The following CSMD1 variants were observed in gnomAD, a reference collection of about 807,000 sequenced individuals.
The protein encoded by CSMD1 is CUB and sushi domain-containing protein 1.
CSMD1 carries 213 observed loss-of-function variants against 417.5 expected under a neutral mutation model. That is an observed-to-expected ratio of 0.51 (90% CI 0.46 to 0.57). CSMD1 has a LOEUF of 0.57. CSMD1 is among the 20% of genes least tolerant of loss of function. The pLI is 0.00. For synonymous variants in CSMD1, 2,862 were observed against 1,736.8 expected (o/e 1.65, Z -16.11); for missense variants, 6,923 against 4,529.7 (o/e 1.53, Z -15.17).
At chr8:4,094,646 T>G (rs973768674) in intron 3 of CSMD1, among the ~76,000 whole-genome samples, 1 of 152,088 alleles carries the variant, frequency 6.6e-6, no homozygotes, top group Non-Finnish European at 1.5e-5. Context: ...GACACACATG[T>G]GGAAGTAGCG....
chr8:3,773,715 A>G (rs1798743732), intron 5 of CSMD1, among the ~76,000 whole-genome samples: 1 of 152,156 alleles, frequency 6.6e-6, no homozygotes, highest in African/African-American at 2.4e-5. Context: ...CCACCTTCAA[A>G]TTGATGATGA....
At chr8:3,327,061 G>A (rs1446461235) in intron 23 of CSMD1, among the ~76,000 whole-genome samples, 1 of 151,468 alleles carries the variant, frequency 6.6e-6, no homozygotes, top group African/African-American at 2.4e-5. Context: ...TGGAAAGGTT[G>A]GCAAGGATTC....
intron 3 of CSMD1, among the ~76,000 whole-genome samples, chr8:4,087,335 G>A (rs573883733): frequency 1.5e-4 from 23 of 152,140 alleles, no homozygotes; most frequent in Non-Finnish European, 2.8e-4. Context: ...ACACTCCCCA[G>A]GGAACCACTT....
intron 5 of CSMD1, among the ~76,000 whole-genome samples, chr8:3,863,687 C>T (rs943810327): frequency 6.6e-6 from 1 of 152,114 alleles, no homozygotes; most frequent in Non-Finnish European, 1.5e-5. Flanking sequence ...CATATATGCT[C>T]AGTGAACAAA....
At position 3,235,916 on chromosome 8, in the gene CSMD1, G is replaced by GTTTTTTTTTTTTTTTTT. The variant is rs11414439; in HGVS notation, c.4154-5702_4154-5686dup. Among the ~76,000 whole-genome samples the GTTTTTTTTTTTTTTTTT allele has an allele frequency of 1.1e-4, 13 of 119,344 alleles. 1 individual carries two copies. The highest frequency in any genetic ancestry group is 2.5e-4 in the African/African-American group (8 of 31,714). 78.3% of individuals were successfully genotyped at this position (119,344 alleles called of 152,430 possible). On this transcript the variant is annotated intron_variant, in intron 26 of 69. Transcript: ENST00000635120. ...TTATGCCAGTTATATGAAGATGTAAGTTTTTTTTTTTTTTTTTTTGAGACA... is the reference window on the plus strand; with the variant it reads ...TTATGCCAGTTATATGAAGATGTAAGTTTTTTTTTTTTTTTTTTTTTTTTTTTTTTTTTTTTGAGACA...
intron 3 of CSMD1, among the ~76,000 whole-genome samples, chr8:4,386,386 A>C (rs903173889): frequency 1.3e-4 from 20 of 151,638 alleles, no homozygotes; most frequent in African/African-American, 4.8e-4. Flanking sequence ...ACATTCTCCT[A>C]AGTTCCATCC....
At chr8:3,215,420 C>T (rs990380595) in intron 29 of CSMD1, among the ~76,000 whole-genome samples, 3 of 152,178 alleles carry the variant, frequency 2.0e-5, no homozygotes, top group Non-Finnish European at 2.9e-5. Context: ...ATGTACCAGA[C>T]ATGGAACTAG....
intron 5 of CSMD1, among the ~76,000 whole-genome samples, chr8:3,823,212 T>G (rs911946471): frequency 6.6e-6 from 1 of 152,140 alleles, no homozygotes; most frequent in Non-Finnish European, 1.5e-5. Context: ...TATTGGTGGG[T>G]TATTAGTTTA....
chr8:3,175,609 C>A (rs959147132), intron 37 of CSMD1, among the ~76,000 whole-genome samples: 1 of 141,596 alleles, frequency 7.1e-6, no homozygotes, highest in Non-Finnish European at 1.5e-5. Context: ...TCCCTCCCTT[C>A]CTGAGGTTGC....
intron 12 of CSMD1, among the ~76,000 whole-genome samples, chr8:3,437,548 T>C (rs988513683): frequency 6.6e-6 from 1 of 152,168 alleles, no homozygotes; most frequent in Non-Finnish European, 1.5e-5. Flanking sequence ...GGCCAACGTA[T>C]CCAGGGAAAA....
intron 1 of CSMD1, among the ~76,000 whole-genome samples, chr8:4,938,591 C>T (rs925278108): frequency 7.2e-5 from 11 of 152,172 alleles, no homozygotes; most frequent in Admixed American, 2.0e-4. Context: ...ATCGGGAAAA[C>T]GCATACTTGC....
chr8:3,503,930 G>C (rs968201838), intron 10 of CSMD1, among the ~76,000 whole-genome samples: 3 of 151,530 alleles, frequency 2.0e-5, no homozygotes, highest in Admixed American at 6.6e-5. Context: ...ACATGAGTGA[G>C]AATATGGAGG....
chr8:4,925,205 C>T (rs1436137069), intron 1 of CSMD1, among the ~76,000 whole-genome samples: 1 of 118,832 alleles, frequency 8.4e-6, no homozygotes, highest in African/African-American at 3.1e-5. Context: ...TGGTGAATAC[C>T]AGTTTTATGG....
intron 1 of CSMD1, among the ~76,000 whole-genome samples, chr8:4,953,819 C>T (rs982059140): frequency 4.6e-5 from 7 of 152,112 alleles, no homozygotes; most frequent in African/African-American, 1.7e-4. Context: ...GAACTATCTG[C>T]CACAGGAAGA....
chr8:4,234,184 T>G (rs1187455483), intron 3 of CSMD1, among the ~76,000 whole-genome samples: 1 of 152,276 alleles, frequency 6.6e-6, no homozygotes, highest in East Asian at 1.9e-4. Context: ...ACTCTTGACT[T>G]AGACCAAGAA....
At chr8:3,472,322 T>A (rs1366698504) in intron 11 of CSMD1, among the ~76,000 whole-genome samples, 2 of 152,148 alleles carry the variant, frequency 1.3e-5, no homozygotes, top group African/African-American at 4.8e-5. Flanking sequence ...ATCTTTTAAC[T>A]ATTGTAAGTG....
chr8:4,011,657 C>A (rs1027158563), intron 4 of CSMD1, among the ~76,000 whole-genome samples: 1 of 152,194 alleles, frequency 6.6e-6, no homozygotes, highest in African/African-American at 2.4e-5. Context: ...TTCATTCCTA[C>A]ACTTCCTAAA....
intron 2 of CSMD1, among the ~76,000 whole-genome samples, chr8:4,458,299 C>T (rs1031849999): frequency 6.6e-6 from 1 of 150,542 alleles, no homozygotes; most frequent in Non-Finnish European, 1.5e-5. Context: ...CTTTCTCCCT[C>T]TTTTTTTTTG....
chr8:4,967,859 G>C (rs1276543011), intron 1 of CSMD1, among the ~76,000 whole-genome samples: 1 of 152,150 alleles, frequency 6.6e-6, no homozygotes, highest in African/African-American at 2.4e-5. Flanking sequence ...AACTTTACAA[G>C]TCAAAGGATG....
Sources: allele counts gnomAD v4.1 joint callset (sites outside exome capture counted in the v4.1 genomes callset), GRCh38; gene constraint gnomAD v4.1.1; transcripts MANE v1.5; gene names NCBI Gene and HGNC (gene_info 2026-07-23, HGNC 2026-07-21).